The following PPP3CA variants were observed in gnomAD, a reference collection of about 807,000 sequenced individuals.
PPP3CA encodes CAM-PRP catalytic subunit.
In PPP3CA, 14 loss-of-function variants were observed where a neutral mutation model predicts 66.5. The observed-to-expected ratio is 0.21, with a 90% confidence interval of 0.14 to 0.33. PPP3CA has a LOEUF of 0.33. Among genes scored for constraint, PPP3CA ranks in the 10% least tolerant of loss-of-function variants. The probability of loss-of-function intolerance (pLI) is 1.00; values close to 1 mark genes in which losing one functional copy is unlikely to be tolerated. For synonymous variants in PPP3CA, 232 were observed against 226.2 expected (o/e 1.03, Z -0.23); for missense variants, 317 against 639.5 (o/e 0.50, Z 5.44).
chr4:101,154,808 ATTTT>A (rs779695561), intron 2 of PPP3CA, among the ~76,000 whole-genome samples: 39 of 90,578 alleles, frequency 4.3e-4, no homozygotes, highest in African/African-American at 1.1e-3. Context: ...CACTCCCAGA[ATTTT>A]TTTTTTTTTT....
At chr4:101,121,501 C>A (rs573391036) in intron 2 of PPP3CA, among the ~76,000 whole-genome samples, 1 of 151,912 alleles carries the variant, frequency 6.6e-6, no homozygotes, top group African/African-American at 2.4e-5. Flanking sequence ...ATATATTTTA[C>A]AAATAACGCT....
At chr4:101,337,728 T>G (rs1196215762) in intron 1 of PPP3CA, among the ~76,000 whole-genome samples, 2 of 152,216 alleles carry the variant, frequency 1.3e-5, no homozygotes, top group Admixed American at 6.5e-5. Flanking sequence ...CCAGCTGGCT[T>G]TCTTTAACCA....
chr4:101,203,399 G>A (rs1725031109), intron 1 of PPP3CA, among the ~76,000 whole-genome samples: 1 of 152,096 alleles, frequency 6.6e-6, no homozygotes, highest in Admixed American at 6.6e-5. Flanking sequence ...GGAGGCTAAG[G>A]CAGGAGAACC....
At position 101,338,999 on chromosome 4, in the gene PPP3CA, C is replaced by T. The variant is rs1018936288; in HGVS notation, c.58+7740G>A. Among the ~76,000 whole-genome samples the T allele has an allele frequency of 3.9e-5, 6 of 152,274 alleles. No individual in the cohort carries two copies. In the East Asian group the frequency reaches 5.8e-4, roughly 15 times the overall value. On this transcript the variant is annotated intron_variant, in intron 1 of 13. Transcript: ENST00000394854. ...AAGATGTTTTAAAAACAAATGTCAA[C>T]GGATGGCTCAAAGCCCACTTGTGAG... is the stretch of plus-strand genomic sequence containing the variant.
intron 10 of PPP3CA, among the ~76,000 whole-genome samples, chr4:101,047,707 C>T (rs1186418584): frequency 6.6e-6 from 1 of 152,078 alleles, no homozygotes; most frequent in Non-Finnish European, 1.5e-5. Flanking sequence ...CCTACCGCCT[C>T]AGTCTCCCCA....
chr4:101,139,975 A>C (rs1722753258), intron 2 of PPP3CA, among the ~76,000 whole-genome samples: 1 of 152,020 alleles, frequency 6.6e-6, no homozygotes, highest in South Asian at 2.1e-4. Flanking sequence ...AGGCATTACC[A>C]TACAATTTTA....
At chr4:101,313,254 T>C (rs1462798137) in intron 1 of PPP3CA, among the ~76,000 whole-genome samples, 1 of 152,148 alleles carries the variant, frequency 6.6e-6, no homozygotes, top group Non-Finnish European at 1.5e-5. Flanking sequence ...CTGAAACTCC[T>C]GTCCTGAAAC....
In PPP3CA at chr4:101,347,510, A is replaced by G; in HGVS notation, c.-714T>C. ...CACAGCCGCCGAGCTCGGCAGACAC[A>G]GTCCCGGGCACAACCTACCCCCCTC... On this transcript the variant is annotated 5_prime_UTR_variant, in exon 1 of 14. Coordinates refer to ENST00000394854, the MANE Select transcript of PPP3CA (RefSeq NM_000944.5). The G allele has an allele frequency of 6.3e-6, 1 of 159,730 alleles. No individual in the cohort carries two copies. The highest frequency in any genetic ancestry group is 1.3e-5 in the Non-Finnish European group (1 of 74,488). 9.9% of individuals were successfully genotyped at this position (159,730 alleles called of 1,614,324 possible).
At chr4:101,145,072 C>T (rs1053021300) in intron 2 of PPP3CA, among the ~76,000 whole-genome samples, 1 of 151,970 alleles carries the variant, frequency 6.6e-6, no homozygotes, top group African/African-American at 2.4e-5. Flanking sequence ...TAGATTGACA[C>T]AATAACCTGC....
intron 1 of PPP3CA, among the ~76,000 whole-genome samples, chr4:101,278,603 AT>A (rs1338451593): frequency 1.3e-5 from 2 of 152,204 alleles, no homozygotes; most frequent in Non-Finnish European, 2.9e-5. Context: ...AAAACAACTG[AT>A]CATGAAGGCC....
intron 2 of PPP3CA, among the ~76,000 whole-genome samples, chr4:101,186,130 G>T (rs1724402580): frequency 6.6e-6 from 1 of 152,036 alleles, no homozygotes; most frequent in African/African-American, 2.4e-5. Flanking sequence ...TTTGCCTAGT[G>T]TTTTCTTATT....
chr4:101,142,114 A>G (rs1215103353), intron 2 of PPP3CA, among the ~76,000 whole-genome samples: 1 of 152,190 alleles, frequency 6.6e-6, no homozygotes, highest in East Asian at 1.9e-4. Context: ...GGATAAAAAT[A>G]ATACATAATA....
chr4:101,055,772 G>A (rs1436394471), intron 10 of PPP3CA, among the ~76,000 whole-genome samples: 1 of 151,900 alleles, frequency 6.6e-6, no homozygotes, highest in Non-Finnish European at 1.5e-5. Flanking sequence ...GAATGATATT[G>A]TTTCATATGC....
At chr4:101,194,514 C>A (rs1189213510) in intron 2 of PPP3CA, among the ~76,000 whole-genome samples, 1 of 152,084 alleles carries the variant, frequency 6.6e-6, no homozygotes, top group African/African-American at 2.4e-5. Context: ...ATTAAGCAAA[C>A]TCCATAAAGA....
At chr4:101,196,408 G>A (rs1400123021) in intron 1 of PPP3CA, among the ~76,000 whole-genome samples, 1 of 152,144 alleles carries the variant, frequency 6.6e-6, no homozygotes, top group Non-Finnish European at 1.5e-5. Flanking sequence ...ATGAAAAGCA[G>A]TTTTCAGTTC....
At chr4:101,342,726 AT>A (rs1313247618) in intron 1 of PPP3CA, among the ~76,000 whole-genome samples, 1 of 152,178 alleles carries the variant, frequency 6.6e-6, no homozygotes, top group Non-Finnish European at 1.5e-5. Flanking sequence ...TGGTAACAAA[AT>A]GTCAGTAAAA....
chr4:101,304,478 C>T (rs866283127), intron 1 of PPP3CA, among the ~76,000 whole-genome samples: 6 of 152,016 alleles, frequency 3.9e-5, no homozygotes, highest in Non-Finnish European at 8.8e-5. Context: ...GACAATATTC[C>T]CTGTAGTTTC....
intron 1 of PPP3CA, among the ~76,000 whole-genome samples, chr4:101,233,936 C>T (rs1034922057): frequency 6.6e-6 from 1 of 151,578 alleles, no homozygotes; most frequent in African/African-American, 2.4e-5. Context: ...CTGCTGCTAC[C>T]CTCTTTGTGT....
intron 2 of PPP3CA, among the ~76,000 whole-genome samples, chr4:101,145,748 G>A (rs1722950523): frequency 6.6e-6 from 1 of 152,012 alleles, no homozygotes; most frequent in South Asian, 2.1e-4. Context: ...AAAGCACTCA[G>A]AATTTAACTA....
Sources: gnomAD v4.1 joint callset for allele counts (sites outside exome capture counted in the v4.1 genomes callset) on GRCh38, gnomAD v4.1.1 for gene constraint, MANE v1.5 for transcripts, NCBI Gene and HGNC (gene_info 2026-07-23, HGNC 2026-07-21) for gene names.